The following CTNNA3 variants were observed in gnomAD, a reference collection of about 807,000 sequenced individuals.
CTNNA3 encodes the protein catenin alpha-3.
In CTNNA3, 76 loss-of-function variants were observed where a neutral mutation model predicts 95.7. The observed-to-expected ratio is 0.79, with a 90% CI of 0.66 to 0.96. CTNNA3 has a LOEUF of 0.96. CTNNA3 is among the 40% of genes least tolerant of loss of function. The pLI is 0.00. For synonymous variants in CTNNA3, 431 were observed against 374.4 expected, an observed-to-expected ratio of 1.15 and a Z score of -1.74; for missense variants, 1,191 against 1,089.8, an observed-to-expected ratio of 1.09 and a Z score of -1.31.
chr10:66,265,887 A>T (rs1411553298), intron 13 of CTNNA3, among the ~76,000 whole-genome samples: 1 of 152,010 alleles, frequency 6.6e-6, no homozygotes, highest in East Asian at 1.9e-4. Flanking sequence ...TGTAAACTCC[A>T]TGAAAATGGA....
At chr10:67,592,348 T>G in intron 3 of CTNNA3, among the ~76,000 whole-genome samples, 1 of 152,084 alleles carries the variant, frequency 6.6e-6, no homozygotes, top group Middle Eastern at 3.2e-3. Context: ...AGCTGTAACA[T>G]TCCTCCTCAC....
chr10:67,628,500 CT>C lies in CTNNA3; in HGVS notation c.99+18914del, dbSNP rs199813520. The stretch of plus-strand genomic sequence containing the variant: ...TCAACCTTCAAATTCTAAAGTAAGT[CT>C]TTTTGACTTCAAACTAACTTTGGGA... On this transcript the variant is annotated intron_variant, in intron 2 of 17. Coordinates refer to ENST00000433211, the MANE Select transcript of CTNNA3 (RefSeq NM_013266.4). Among the ~76,000 whole-genome samples, 305 of 152,182 alleles carry C rather than the reference CT, an allele frequency of 2.0e-3. 3 individuals carry two copies. The highest frequency in any genetic ancestry group is 6.9e-3 in the African/African-American group (288 of 41,556).
chr10:66,359,640 A>G lies in CTNNA3; in HGVS notation c.1732+19512T>C, dbSNP rs955971767. On this transcript the variant is annotated intron_variant, in intron 12 of 17. Transcript: ENST00000433211. Reference sequence around the variant, plus strand: ...CATGCATACCTCTGTTCTGTTTTGCATTAAAGGTTCACATCTGTCATCCCC... The same window carrying G: ...CATGCATACCTCTGTTCTGTTTTGCGTTAAAGGTTCACATCTGTCATCCCC... 3.5e-4 allele frequency among the ~76,000 whole-genome samples: 54 copies of G among 152,212 alleles called. No individual in the cohort carries two copies. In the Middle Eastern group the frequency reaches 0.01, roughly 29 times the overall value.
chr10:67,611,100 CA>C (rs1019167624), intron 2 of CTNNA3, among the ~76,000 whole-genome samples: 2 of 152,114 alleles, frequency 1.3e-5, no homozygotes, highest in Non-Finnish European at 2.9e-5. Context: ...TAACATTCCA[CA>C]AAACCGGACA....
At chr10:67,686,253 G>T (rs2133578382) in intron 1 of CTNNA3, among the ~76,000 whole-genome samples, 1 of 152,344 alleles carries the variant, frequency 6.6e-6, no homozygotes, top group African/African-American at 2.4e-5. Flanking sequence ...ACTGGGTGCT[G>T]GTCCCTGGGG....
intron 13 of CTNNA3, among the ~76,000 whole-genome samples, chr10:66,215,448 T>C (rs2088466952): frequency 6.6e-6 from 1 of 152,182 alleles, no homozygotes; most frequent in Non-Finnish European, 1.5e-5. Context: ...AACTACCCAC[T>C]TCTGGTATCA....
intron 11 of CTNNA3, among the ~76,000 whole-genome samples, chr10:66,405,690 A>G (rs1027428425): frequency 2.0e-5 from 3 of 152,120 alleles, no homozygotes; most frequent in Non-Finnish European, 4.4e-5. Context: ...TTTGCTGCAT[A>G]TCATATTTGA....
chr10:66,362,933 T>C (rs2092686988), intron 12 of CTNNA3, among the ~76,000 whole-genome samples: 1 of 152,172 alleles, frequency 6.6e-6, no homozygotes, highest in Non-Finnish European at 1.5e-5. Flanking sequence ...TTTAATTCTC[T>C]AAAAAAGTGA....
intron 12 of CTNNA3, among the ~76,000 whole-genome samples, chr10:66,352,576 T>A (rs994137927): frequency 1.3e-5 from 2 of 151,932 alleles, no homozygotes; most frequent in Non-Finnish European, 2.9e-5. Context: ...ATTGTATACT[T>A]TGGAGTGAAA....
In CTNNA3 at chr10:67,051,592, T is replaced by C. The variant is rs1480617467; in HGVS notation, c.1047+128725A>G. Among the ~76,000 whole-genome samples, 3 of 151,882 alleles carry C rather than the reference T, an allele frequency of 2.0e-5. No individual in the cohort carries two copies. In the East Asian group the frequency reaches 5.8e-4, roughly 29 times the overall value. ...CTCCTGCCTCAATCAGGAGATGGTC[T>C]CGATCTTTTGACCTCATGACCTGAG... On this transcript the variant is annotated intron_variant, in intron 7 of 17. Coordinates refer to ENST00000433211, the MANE Select transcript of CTNNA3 (RefSeq NM_013266.4).
Position 66,324,249 on chromosome 10 carries a change from G to A in CTNNA3, c.1733-43628C>T, listed in dbSNP as rs1400632307. 3.3e-5 allele frequency among the ~76,000 whole-genome samples: 5 copies of A among 152,010 alleles called. No individual in the cohort carries two copies. In the East Asian group the frequency reaches 7.7e-4, roughly 23 times the overall value. ...GCAGAAGAATTGTTTGAACCCAGGA[G>A]GCGGAGATTCCAGTGAACTGAGATC... On this transcript the variant is annotated intron_variant, in intron 12 of 17. Transcript: ENST00000433211.
intron 17 of CTNNA3, among the ~76,000 whole-genome samples, chr10:65,961,562 A>T (rs2077844555): frequency 6.6e-6 from 1 of 152,130 alleles, no homozygotes; most frequent in Non-Finnish European, 1.5e-5. Flanking sequence ...TGATTTTGGT[A>T]ATCATAGAGG....
chr10:66,603,221 G>A (rs943095608), intron 10 of CTNNA3, among the ~76,000 whole-genome samples: 1 of 152,078 alleles, frequency 6.6e-6, no homozygotes, highest in African/African-American at 2.4e-5. Context: ...TCTTGGAATA[G>A]ATCAATAAAT....
intron 7 of CTNNA3, among the ~76,000 whole-genome samples, chr10:67,064,396 G>A (rs898666539): frequency 5.3e-5 from 8 of 151,924 alleles, no homozygotes; most frequent in African/African-American, 1.5e-4. Flanking sequence ...TAGTGTAACC[G>A]AAATTACCAA....
intron 5 of CTNNA3, among the ~76,000 whole-genome samples, chr10:67,408,889 A>AAG (rs1845253144): frequency 6.6e-6 from 1 of 150,614 alleles, no homozygotes; most frequent in African/African-American, 2.4e-5. Context: ...TTACAAAAAA[A>AAG]AAAAAAAAAA....
chr10:67,279,671 C>T (rs117032072), intron 5 of CTNNA3, among the ~76,000 whole-genome samples: 1 of 150,366 alleles, frequency 6.7e-6, no homozygotes, highest in African/African-American at 2.5e-5. Context: ...AAAGGAAAGG[C>T]GGCTGACTCA....
intron 17 of CTNNA3, among the ~76,000 whole-genome samples, chr10:65,958,180 T>C (rs1163447666): frequency 6.6e-6 from 1 of 152,206 alleles, no homozygotes; most frequent in Non-Finnish European, 1.5e-5. Flanking sequence ...TTGAACCAGC[T>C]GCTGAAGCTT....
At chr10:66,399,428 A>G (rs2093003280) in intron 11 of CTNNA3, among the ~76,000 whole-genome samples, 1 of 152,012 alleles carries the variant, frequency 6.6e-6, no homozygotes, top group Non-Finnish European at 1.5e-5. Context: ...AATGATAAAC[A>G]TAATACTTGA....
chr10:67,006,924 G>A (rs1391778763), intron 7 of CTNNA3, among the ~76,000 whole-genome samples: 1 of 152,024 alleles, frequency 6.6e-6, no homozygotes, highest in African/African-American at 2.4e-5. Context: ...CTCCCAAGTA[G>A]CTGGGATTAC....
Sources: gnomAD v4.1 joint callset for allele counts (sites outside exome capture counted in the v4.1 genomes callset) on GRCh38, gnomAD v4.1.1 for gene constraint, MANE v1.5 for transcripts, NCBI Gene and HGNC (gene_info 2026-07-23, HGNC 2026-07-21) for gene names.